The following FAM135B variants were observed in gnomAD, a reference collection of about 807,000 sequenced individuals.
FAM135B encodes the protein protein FAM135B.
Under a neutral mutation model 127.7 loss-of-function variants are expected in FAM135B, and 43 were observed. The ratio of observed to expected loss-of-function variants is 0.34; its 90% CI spans 0.26 to 0.43. The LOEUF is 0.43. Ranked by LOEUF, FAM135B falls within the 20% of genes least tolerant of loss-of-function variation. The pLI, the probability that FAM135B is intolerant of heterozygous loss-of-function variation, is 1.00. For missense variants in FAM135B, 1,558 were observed against 1,725.6 expected, an observed-to-expected ratio of 0.90 and a Z score of 1.72; for synonymous variants, 670 against 665.1, an observed-to-expected ratio of 1.01 and a Z score of -0.11.
In FAM135B at chr8:138,243,335, C is replaced by T. The variant is rs920204306; in HGVS notation, c.543-267G>A. ...GCCCACCCTAAATGCCAACAACATA[C>T]CTGTAAGAAACACTGAAGCAGAGCT... On this transcript the variant is annotated intron_variant, in intron 6 of 19. Transcript: ENST00000395297. The surrounding 1 kb of genome is among the most constrained non-coding windows in gnomAD (Gnocchi z 7.5). Among the ~76,000 whole-genome samples the T allele has an allele frequency of 3.9e-5, 6 of 152,144 alleles. No individual in the cohort carries two copies. The highest frequency in any genetic ancestry group is 1.4e-4 in the African/African-American group (6 of 41,434).
At chr8:138,147,217 C>T (rs1563683152) in intron 14 of FAM135B, among the ~76,000 whole-genome samples, 1 of 151,516 alleles carries the variant, frequency 6.6e-6, no homozygotes, top group East Asian at 1.9e-4. Flanking sequence ...TAAAATTAGG[C>T]TCTTTGGTCC....
intron 2 of FAM135B, among the ~76,000 whole-genome samples, chr8:138,356,212 C>T (rs1830079022): frequency 6.6e-6 from 1 of 151,460 alleles, no homozygotes; most frequent in East Asian, 1.9e-4. Context: ...TATAGCAGCA[C>T]AAAAGGACTA....
chr8:138,449,855 ATTC>A (rs1836396152), intron 1 of FAM135B, among the ~76,000 whole-genome samples: 1 of 152,182 alleles, frequency 6.6e-6, no homozygotes, highest in Non-Finnish European at 1.5e-5. Context: ...ATTAGGATTC[ATTC>A]TTCATCAAAC....
intron 1 of FAM135B, among the ~76,000 whole-genome samples, chr8:138,442,284 C>G (rs527817084): frequency 1.5e-3 from 36 of 23,286 alleles, no homozygotes; most frequent in Middle Eastern, 0.036. Context: ...ATATGAAAAA[C>G]CTTGGCAGTT....
At chr8:138,357,816 A>T (rs1395515991) in intron 2 of FAM135B, among the ~76,000 whole-genome samples, 2 of 152,152 alleles carry the variant, frequency 1.3e-5, no homozygotes, top group African/African-American at 4.8e-5. Flanking sequence ...TACAGCTATC[A>T]TTTCTTTAGA....
chr8:138,195,098 T>C (rs1021735324), intron 9 of FAM135B, among the ~76,000 whole-genome samples, 160 bp downstream of exon 9: 1 of 152,226 alleles, frequency 6.6e-6, no homozygotes, highest in South Asian at 2.1e-4. Context: ...CACAGTGATG[T>C]AGGGTAACAG....
Position 138,239,712 on chromosome 8 carries a change from C to T in FAM135B, c.669+3230G>A, listed in dbSNP as rs185778922. On this transcript the variant is annotated intron_variant, in intron 7 of 19. Coordinates refer to ENST00000395297, the MANE Select transcript of FAM135B (RefSeq NM_015912.4). The stretch of plus-strand genomic sequence containing the variant: ...GACACATGCACATGTATGTTCACTG[C>T]GGCACTATTCACAATAGCAAAGACT... Among the ~76,000 whole-genome samples, 208 of 152,170 alleles carry T rather than the reference C, an allele frequency of 1.4e-3. 2 individuals are homozygous for T. The highest frequency in any genetic ancestry group is 2.9e-3 in the Admixed American group (45 of 15,276).
At chr8:138,298,243 G>A (rs550470397) in intron 3 of FAM135B, among the ~76,000 whole-genome samples, 8 of 152,122 alleles carry the variant, frequency 5.3e-5, no homozygotes, top group Non-Finnish European at 1.2e-4. Context: ...TTAAATTCAA[G>A]AGGAGATGCA....
chr8:138,226,184 T>TGTGTGTGTGTGTGTGCGCACGCGCGC, intron 7 of FAM135B, among the ~76,000 whole-genome samples: 1 of 139,202 alleles, frequency 7.2e-6, no homozygotes, highest in Admixed American at 7.1e-5. Flanking sequence ...TGTGTGTGTG[T>TGTGTGTGTGTGTGTGCGCACGCGCGC]GCGCGCATGT....
intron 11 of FAM135B, among the ~76,000 whole-genome samples, chr8:138,168,707 G>A (rs1820164471): frequency 1.3e-5 from 2 of 152,168 alleles, no homozygotes; most frequent in Non-Finnish European, 2.9e-5. Context: ...TCGAAGGCTG[G>A]GGTGGTAGAA....
At chr8:138,138,331 G>T (rs1050232958) in intron 18 of FAM135B, among the ~76,000 whole-genome samples, 2 of 152,238 alleles carry the variant, frequency 1.3e-5, no homozygotes, top group African/African-American at 2.4e-5. Context: ...AGCAGAGTCA[G>T]TGTTTACAGG....
At chr8:138,280,551 T>C (rs1238935601) in intron 3 of FAM135B, among the ~76,000 whole-genome samples, 1 of 152,198 alleles carries the variant, frequency 6.6e-6, no homozygotes, top group African/African-American at 2.4e-5. Flanking sequence ...TCTCTTGCTA[T>C]TATGCGGCTG....
intron 1 of FAM135B, chr8:138,450,745 C>T (rs893191530): frequency 5.9e-5 from 9 of 152,178 alleles, no homozygotes; most frequent in Non-Finnish European, 1.0e-4. Context: ...AAACATCCTT[C>T]TCATTCCTTA....
At chr8:138,363,579 T>C (rs1246209070) in intron 2 of FAM135B, among the ~76,000 whole-genome samples, 3 of 152,136 alleles carry the variant, frequency 2.0e-5, no homozygotes, top group Non-Finnish European at 4.4e-5. Context: ...TTTGAGAATT[T>C]GTGTCAGTCC....
intron 1 of FAM135B, among the ~76,000 whole-genome samples, chr8:138,488,424 T>C (rs1815068805): frequency 6.6e-6 from 1 of 150,680 alleles, no homozygotes; most frequent in African/African-American, 2.5e-5. Context: ...TGAATTCTTT[T>C]GAGGAAAAAA....
chr8:138,278,602 C>G (rs936104230), intron 3 of FAM135B, among the ~76,000 whole-genome samples: 1 of 129,710 alleles, frequency 7.7e-6, no homozygotes, highest in East Asian at 2.3e-4. Flanking sequence ...CTTGCTCTGT[C>G]GCCCAGGCTG....
chr8:138,258,284 T>C (rs1363116739), intron 4 of FAM135B, among the ~76,000 whole-genome samples: 2 of 152,224 alleles, frequency 1.3e-5, no homozygotes, highest in South Asian at 2.1e-4. Context: ...CAAAGATCTC[T>C]TTGGAAATGT....
intron 1 of FAM135B, among the ~76,000 whole-genome samples, chr8:138,389,535 C>A (rs998990259): frequency 6.6e-6 from 1 of 152,078 alleles, no homozygotes; most frequent in African/African-American, 2.4e-5. Context: ...ATGAGCCTTG[C>A]AAAATTATGC....
intron 10 of FAM135B, 131 bp downstream of exon 10, chr8:138,178,404 C>T (rs865779883): frequency 2.3e-5 from 24 of 1,022,156 alleles, no homozygotes; most frequent in Middle Eastern, 3.3e-4. Flanking sequence ...CCACCCTGCA[C>T]GGTCATGGTA....
Sources: gnomAD v4.1 joint callset for allele counts (sites outside exome capture counted in the v4.1 genomes callset) on GRCh38, gnomAD v4.1.1 for gene constraint, Gnocchi (gnomAD v3.1) non-coding constraint, MANE v1.5 for transcripts, NCBI Gene and HGNC (gene_info 2026-07-23, HGNC 2026-07-21) for gene names.